ATXN1: variants seen among roughly 807,000 people sequenced by gnomAD.
The protein encoded by ATXN1 is ataxin 1, also known as ataxin-1.
A neutral mutation model predicts 56.4 loss-of-function variants in ATXN1; 8 were observed. That is an observed-to-expected ratio of 0.14 (90% CI 0.08 to 0.26). The LOEUF (loss-of-function observed/expected upper bound fraction) is 0.26, where lower values mean the gene tolerates loss of function less well. Ranked by LOEUF, ATXN1 falls within the 10% of genes least tolerant of loss-of-function variation. The probability of loss-of-function intolerance (pLI) is 1.00; values close to 1 mark genes in which losing one functional copy is unlikely to be tolerated. For missense variants in ATXN1, 987 were observed against 1,106.5 expected, an observed-to-expected ratio of 0.89 and a Z score of 1.53; for synonymous variants, 514 against 494.6, an observed-to-expected ratio of 1.04 and a Z score of -0.52.
At chr6:16,329,979 T>C (rs760165631) in intron 6 of ATXN1, among the ~76,000 whole-genome samples, 5 of 152,266 alleles carry the variant, frequency 3.3e-5, no homozygotes, top group Non-Finnish European at 5.9e-5. Flanking sequence ...CAACATGCTG[T>C]GATTCTGAGA....
At position 16,740,711 on chromosome 6, in the gene ATXN1, T is replaced by A. The variant is rs530722725; in HGVS notation, c.-615+12522A>T. Among the ~76,000 whole-genome samples the A allele has an allele frequency of 2.7e-3, 414 of 152,290 alleles. 1 individual carries two copies. Among genetic ancestry groups the A allele is most frequent in the African/African-American group, 8.9e-3 (370 of 41,570 alleles). ...TAATTTTTTATTTATTTATTTATTT[T>A]TTTTAGAGACAGGGTCTCACTCTGT... On this transcript the variant is annotated intron_variant, in intron 2 of 7. Coordinates refer to ENST00000436367, the MANE Select transcript of ATXN1 (RefSeq NM_001128164.2).
rs9297010 is a variant in ATXN1, at chr6:16,508,130, C to T, written c.-299+14497G>A. Among the ~76,000 whole-genome samples, 1,505 of 152,040 alleles carry T rather than the reference C, an allele frequency of 9.9e-3. 26 individuals carry two copies. The highest frequency in any genetic ancestry group is 0.034 in the African/African-American group (1,405 of 41,434). On this transcript the variant is annotated intron_variant, in intron 5 of 7. Transcript: ENST00000436367. ...CAACGAATATAGGAATGGGCACTTG[C>T]GGCTTAGGATGAAATTTCTGGTAAT...
intron 3 of ATXN1, among the ~76,000 whole-genome samples, chr6:16,632,429 A>G (rs1263304634): frequency 6.6e-6 from 1 of 152,242 alleles, no homozygotes; most frequent in Non-Finnish European, 1.5e-5. Flanking sequence ...ATTGTTAGGC[A>G]GAAGGAAAAC....
intron 5 of ATXN1, among the ~76,000 whole-genome samples, chr6:16,505,149 T>G (rs558169766): frequency 1.3e-5 from 2 of 152,210 alleles, no homozygotes; most frequent in Non-Finnish European, 2.9e-5. Flanking sequence ...AATCCCTGCT[T>G]ATCCCTCTCA....
intron 7 of ATXN1, among the ~76,000 whole-genome samples, chr6:16,314,081 G>A (rs1036716772): frequency 2.6e-5 from 4 of 152,208 alleles, no homozygotes; most frequent in Non-Finnish European, 5.9e-5. Context: ...GATCATTGTA[G>A]GCACAGATCG....
At chr6:16,500,415 G>A (rs1760860432) in intron 5 of ATXN1, among the ~76,000 whole-genome samples, 1 of 152,162 alleles carries the variant, frequency 6.6e-6, no homozygotes, top group South Asian at 2.1e-4. Flanking sequence ...CTGTGAGTGT[G>A]GGCATGTAAT....
chr6:16,404,133 C>T (rs772217240), intron 6 of ATXN1, among the ~76,000 whole-genome samples: 4 of 151,628 alleles, frequency 2.6e-5, no homozygotes, highest in Admixed American at 6.6e-5. Flanking sequence ...TGTGTGCATG[C>T]GGGGCAGGAG....
intron 3 of ATXN1, among the ~76,000 whole-genome samples, chr6:16,590,033 T>A (rs779913494): frequency 9.9e-5 from 15 of 152,204 alleles, no homozygotes; most frequent in Non-Finnish European, 2.1e-4. Flanking sequence ...ATTCAAGTGC[T>A]GTAAACATTG....
intron 2 of ATXN1, among the ~76,000 whole-genome samples, chr6:16,748,107 G>A (rs775755151): frequency 7.2e-5 from 11 of 152,054 alleles, no homozygotes; most frequent in East Asian, 1.9e-4. Context: ...CCCCTGAAAC[G>A]GATAAGCAAA....
rs1337572980 is a variant in ATXN1, at chr6:16,534,223, A to G, written c.-360-11535T>C. Among the ~76,000 whole-genome samples, 4 of 152,044 alleles carry G rather than the reference A, an allele frequency of 2.6e-5. No individual in the cohort carries two copies. In the East Asian group the frequency reaches 5.8e-4, roughly 22 times the overall value. On this transcript the variant is annotated intron_variant, in intron 4 of 7. Coordinates refer to ENST00000436367, the MANE Select transcript of ATXN1 (RefSeq NM_001128164.2). The stretch of plus-strand genomic sequence containing the variant: ...TGAGAATGGCCATTAGAGGGTCCCA[A>G]ATAACCCAGTTAACCAAAAAATTTT...
chr6:16,569,594 A>G (rs1762294596), intron 4 of ATXN1, among the ~76,000 whole-genome samples: 1 of 151,750 alleles, frequency 6.6e-6, no homozygotes, highest in Non-Finnish European at 1.5e-5. Context: ...AGACAGAGAT[A>G]TAATGCCCTG....
chr6:16,333,351 A>T (rs931004375), intron 6 of ATXN1, among the ~76,000 whole-genome samples: 7 of 152,138 alleles, frequency 4.6e-5, no homozygotes, highest in Non-Finnish European at 7.4e-5. Flanking sequence ...ATTTCGAGAA[A>T]TTTTTTGCTA....
At chr6:16,402,015 T>C (rs1371607436) in intron 6 of ATXN1, among the ~76,000 whole-genome samples, 2 of 152,122 alleles carry the variant, frequency 1.3e-5, no homozygotes, top group African/African-American at 4.8e-5. Flanking sequence ...AGAGAGAGCT[T>C]ATGCAGGGGA....
intron 2 of ATXN1, among the ~76,000 whole-genome samples, chr6:16,713,455 G>C (rs1396867238): frequency 1.3e-5 from 2 of 152,162 alleles, no homozygotes; most frequent in Admixed American, 1.3e-4. Context: ...AATATCATTT[G>C]GGCTACTTGT....
chr6:16,692,917 T>A (rs1392732156), intron 2 of ATXN1, among the ~76,000 whole-genome samples: 1 of 152,184 alleles, frequency 6.6e-6, no homozygotes, highest in Non-Finnish European at 1.5e-5. Context: ...AAGATATGGA[T>A]AGATAAGCTT....
At chr6:16,323,572 C>T (rs966013341) in intron 7 of ATXN1, among the ~76,000 whole-genome samples, 8 of 144,180 alleles carry the variant, frequency 5.5e-5, no homozygotes, top group Non-Finnish European at 7.5e-5. Context: ...AGTCTGGTTT[C>T]TGCAGAGGCT....
intron 2 of ATXN1, among the ~76,000 whole-genome samples, chr6:16,711,810 G>A (rs1380603506): frequency 6.6e-6 from 1 of 151,968 alleles, no homozygotes; most frequent in African/African-American, 2.4e-5. Flanking sequence ...TAGAGACAGG[G>A]TTTCACCATG....
intron 6 of ATXN1, among the ~76,000 whole-genome samples, chr6:16,347,713 T>C (rs1252645036): frequency 6.6e-6 from 1 of 152,152 alleles, no homozygotes; most frequent in Non-Finnish European, 1.5e-5. Flanking sequence ...AGCTCAGGGA[T>C]TGTAAATGCA....
At chr6:16,433,001 A>G (rs2113584561) in intron 6 of ATXN1, 1 of 152,332 alleles carries the variant, frequency 6.6e-6, no homozygotes, top group African/African-American at 2.4e-5. Flanking sequence ...AGTGCAAAGA[A>G]GGTCTTTTGC....
Sources: allele counts gnomAD v4.1 joint callset (sites outside exome capture counted in the v4.1 genomes callset), GRCh38; gene constraint gnomAD v4.1.1; transcripts MANE v1.5; gene names NCBI Gene and HGNC (gene_info 2026-07-23, HGNC 2026-07-21).